RICTOR: variants seen among roughly 807,000 people sequenced by gnomAD.
The protein encoded by RICTOR is RPTOR independent companion of MTOR complex 2.
RICTOR carries 49 observed loss-of-function variants against 214.9 expected under a neutral mutation model. That is an observed-to-expected ratio of 0.23 (90% confidence interval 0.18 to 0.29). The LOEUF (loss-of-function observed/expected upper bound fraction) is 0.29, where lower values mean the gene tolerates loss of function less well. Among genes scored for constraint, RICTOR ranks in the 10% least tolerant of loss-of-function variants. The probability of loss-of-function intolerance (pLI) is 1.00; values close to 1 mark genes in which losing one functional copy is unlikely to be tolerated. For synonymous variants in RICTOR, 717 were observed against 711.3 expected (o/e 1.01, Z -0.13); for missense variants, 1,625 against 2,047.0 (o/e 0.79, Z 3.98).
intron 36 of RICTOR, 186 bp from the exon 37 acceptor site, chr5:38,943,157 G>GA: frequency 3.3e-6 from 1 of 305,984 alleles, no homozygotes. Flanking sequence ...TCTGAGTTTG[G>GA]GTTTTTTTTT....
intron 5 of RICTOR, among the ~76,000 whole-genome samples, chr5:38,999,297 A>C (rs902620580): frequency 6.6e-6 from 1 of 152,020 alleles, no homozygotes; most frequent in African/African-American, 2.4e-5. Context: ...CAGAGAAAAA[A>C]AAAATCTTTA....
rs1304761708 is a variant in RICTOR, at chr5:38,994,451, A to AAAAAAAAAAAAAAAAAAAAAAAAAAAAAG, written c.456+2367_456+2368insCTTTTTTTTTTTTTTTTTTTTTTTTTTTT. 4.9e-5 allele frequency among the ~76,000 whole-genome samples: 5 copies of AAAAAAAAAAAAAAAAAAAAAAAAAAAAAG among 101,562 alleles called. 2 individuals are homozygous for AAAAAAAAAAAAAAAAAAAAAAAAAAAAAG. The highest frequency in any genetic ancestry group is 7.7e-5 in the Non-Finnish European group (4 of 52,066). 66.6% of individuals were successfully genotyped at this position (101,562 alleles called of 152,430 possible). A position where few individuals can be genotyped will look rare whatever the true frequency, so the allele number is the denominator to read the frequency against. On this transcript the variant is annotated intron_variant, in intron 6 of 37. Transcript: ENST00000357387. ...AAAAAAAAAAAAAAAAAAAAAAAAA[A>AAAAAAAAAAAAAAAAAAAAAAAAAAAAAG]AGTGCTTCAGATGCCAAAAGCACTA...
intron 24 of RICTOR, 134 bp from the exon 25 acceptor site, chr5:38,957,864 G>T: frequency 3.9e-6 from 2 of 515,286 alleles, no homozygotes; most frequent in South Asian, 3.1e-5. Flanking sequence ...AAAACTAAAA[G>T]GTCAACTATA....
Position 39,074,098 on chromosome 5 carries a change from C to CGCCCCGCGTT in RICTOR, c.97+3_97+12dup. ...CAGCGCGCCCTCGCGGCGCCCGCGG[C>CGCCCCGCGTT]GCCCCGCGTTACCTCGGGTCAGATC... On this transcript the variant is annotated intron_variant, in intron 2 of 37. Transcript: ENST00000357387. 6.4e-7 allele frequency: 1 copy of CGCCCCGCGTT among 1,560,278 alleles called. No individual in the cohort carries two copies.
intron 4 of RICTOR, 72 bp downstream of exon 4, chr5:39,003,486 T>C: frequency 1.0e-6 from 1 of 954,086 alleles, no homozygotes; most frequent in South Asian, 1.4e-5. Context: ...ATTCTATTTC[T>C]AGTTTAAAAT....
Position 38,960,020 on chromosome 5 carries a change from A to C in RICTOR, c.1852-42T>G, listed in dbSNP as rs1579919175. ...TGTGATATTGTGAGAAAAGCATTCA[A>C]AATCTGTAATTAGAAAATCAACTTC... On this transcript the variant is annotated intron_variant, in intron 20 of 37. Transcript: ENST00000357387. The C allele has an allele frequency of 3.7e-6, 5 of 1,340,510 alleles. No homozygotes were observed. The East Asian group carries it at 9.2e-5, about 25-fold the overall frequency. 83.0% of individuals were successfully genotyped at this position (1,340,510 alleles called of 1,614,324 possible).
At position 38,959,973 on chromosome 5, in the gene RICTOR, C is replaced by T. The variant is rs762080055; in HGVS notation, c.1857G>A (p.Gly619=). ...TEFLLESEED[G]QGYLEDLVKD... ...TTACTAGATCTTCTAAGTAGCCTTG[C>T]CCATCCTAAAAGTAAATACATTGTG... The change falls in exon 21 of 38, where the codon GGG becomes GGA. Residue 619 remains glycine (G), a synonymous_variant. Transcript: ENST00000357387. 2.5e-6 allele frequency: 4 copies of T among 1,600,278 alleles called. No homozygotes were observed. Among genetic ancestry groups the T allele is most frequent in the African/African-American group, 2.7e-5 (2 of 74,582 alleles).
chr5:38,949,402 C>T (rs748732322), intron 31 of RICTOR: 32 of 1,591,200 alleles, frequency 2.0e-5, no homozygotes, highest in South Asian at 1.5e-4. Context: ...CTGATTCCCC[C>T]GACATGCTTC....
At chr5:39,062,823 C>A (rs530139785) in intron 2 of RICTOR, among the ~76,000 whole-genome samples, 2 of 152,050 alleles carry the variant, frequency 1.3e-5, no homozygotes, top group Non-Finnish European at 2.9e-5. Context: ...TATAATAGAG[C>A]AATAATTTCC....
At chr5:39,037,106 T>C (rs150185373) in intron 2 of RICTOR, among the ~76,000 whole-genome samples, 1,542 of 152,216 alleles carry the variant, frequency 0.01, 24 homozygotes, top group African/African-American at 0.034. Context: ...ACAGAAATTA[T>C]AACAAACTGT....
chr5:39,056,030 A>G (rs74649666), intron 2 of RICTOR, among the ~76,000 whole-genome samples: 1,852 of 152,368 alleles, frequency 0.012, 17 homozygotes, highest in Middle Eastern at 0.037. Flanking sequence ...CTCTTAACCC[A>G]GAAAGATTTT....
At chr5:38,942,422 GATGAT>G (rs748670246) in intron 37 of RICTOR, 44 bp from the exon 38 acceptor site, 28 of 1,146,628 alleles carry the variant, frequency 2.4e-5, no homozygotes, top group Non-Finnish European at 3.5e-5. Context: ...TATAAAAACA[GATGAT>G]ATAACATATT....
Position 38,950,240 on chromosome 5 carries a change from A to G in RICTOR, c.3608T>C (p.Leu1203Ser). Residue 1203 changes from leucine (L) to serine (S), a missense_variant, in exon 31 of 38, where the codon TTA (leucine) becomes TCA (serine). This residue lies in a region of RICTOR where 1,214 missense variants were observed against 1,470.5 expected (regional missense o/e 0.83). Coordinates refer to ENST00000357387, the MANE Select transcript of RICTOR (RefSeq NM_152756.5). ...TGAGCTCGTTGAACTTTCTACTACT[A>G]ACCTCTCTCGGCTTGTATTTTCTCT... Reference protein sequence around the residue: ...NHRENTSRERLVVESSTSSHM... With the variant: ...NHRENTSRERSVVESSTSSHM... 1 of 1,613,418 alleles carries G rather than the reference A, an allele frequency of 6.2e-7. No individual in the cohort carries two copies. Among genetic ancestry groups the G allele is most frequent in the Middle Eastern group, 1.7e-4 (1 of 6,060 alleles).
chr5:39,020,142 A>T (rs1755289051), intron 3 of RICTOR, among the ~76,000 whole-genome samples: 2 of 152,222 alleles, frequency 1.3e-5, no homozygotes, highest in Admixed American at 1.3e-4. Flanking sequence ...TGGAAGAGCA[A>T]AAACGGGGTT....
intron 2 of RICTOR, among the ~76,000 whole-genome samples, chr5:39,044,172 C>G (rs1757338990): frequency 6.6e-6 from 1 of 152,108 alleles, no homozygotes; most frequent in South Asian, 2.1e-4. Context: ...ATACCAAGCT[C>G]TGTTTTGATC....
At chr5:38,975,729 A>G in intron 9 of RICTOR, 125 bp from the exon 10 acceptor site, 1 of 522,646 alleles carries the variant, frequency 1.9e-6, no homozygotes, top group Non-Finnish European at 3.2e-6. Context: ...TAAAATTAAA[A>G]CAAGACAAAG....
chr5:39,044,444 G>A (rs1193469506), intron 2 of RICTOR, among the ~76,000 whole-genome samples: 1 of 151,864 alleles, frequency 6.6e-6, no homozygotes, highest in African/African-American at 2.4e-5. Flanking sequence ...ATATAAGAAT[G>A]GACAAGGGAC....
chr5:39,004,655 T>A (rs1274991798), intron 3 of RICTOR, among the ~76,000 whole-genome samples: 1 of 150,878 alleles, frequency 6.6e-6, no homozygotes, highest in Non-Finnish European at 1.5e-5. Flanking sequence ...AGACGGAGTT[T>A]CACCATGTTG....
intron 11 of RICTOR, 67 bp downstream of exon 11, chr5:38,971,806 ATTTT>A (rs1228723371): frequency 4.3e-6 from 3 of 704,000 alleles, no homozygotes; most frequent in African/African-American, 1.8e-5. Context: ...ACCTGAAATA[ATTTT>A]TTTTTTATAA....
Sources: gnomAD v4.1 joint callset for allele counts (sites outside exome capture counted in the v4.1 genomes callset) on GRCh38, gnomAD v4.1.1 for gene constraint, gnomAD v4.1.1 regional missense constraint, MANE v1.5 for transcripts, NCBI Gene and HGNC (gene_info 2026-07-23, HGNC 2026-07-21) for gene names.